IPMK: variants seen among roughly 807,000 people sequenced by gnomAD.
IPMK encodes the protein inositol 1,3,4,6-tetrakisphosphate 5-kinase.
Under a neutral mutation model 45.8 loss-of-function variants are expected in IPMK, and 17 were observed. The ratio of observed to expected loss-of-function variants is 0.37; its 90% CI spans 0.25 to 0.56. The LOEUF is 0.56. Among genes scored for constraint, IPMK ranks in the 20% least tolerant of loss-of-function variants. The probability of loss-of-function intolerance (pLI) is 0.79; values close to 1 mark genes in which losing one functional copy is unlikely to be tolerated. For missense variants in IPMK, 399 were observed against 498.0 expected (o/e 0.80, Z 1.89); for synonymous variants, 180 against 184.3 (o/e 0.98, Z 0.19).
rs967443505 is a variant in IPMK, at chr10:58,192,562, A to G, written c.*3514T>C. 2 of 151,928 alleles carry G rather than the reference A, an allele frequency of 1.3e-5. No individual in the cohort carries two copies. The highest frequency in any genetic ancestry group is 2.9e-5 in the Non-Finnish European group (2 of 67,884). 9.4% of individuals were successfully genotyped at this position (151,928 alleles called of 1,614,324 possible). On this transcript the variant is annotated 3_prime_UTR_variant, in exon 6 of 6. Transcript: ENST00000373935. ...ATCTTATTTAGATGCCTATTTTTCTATATCTCTATTTTAATTAAGTCCCCA... is the reference window on the plus strand; with the variant it reads ...ATCTTATTTAGATGCCTATTTTTCTGTATCTCTATTTTAATTAAGTCCCCA...
intron 4 of IPMK, among the ~76,000 whole-genome samples, chr10:58,213,659 C>A (rs1838200857): frequency 6.6e-6 from 1 of 150,412 alleles, no homozygotes; most frequent in African/African-American, 2.4e-5. Context: ...GCACTTCAGC[C>A]TGGGCGACAG....
intron 2 of IPMK, among the ~76,000 whole-genome samples, chr10:58,234,750 G>A (rs926096450): frequency 6.6e-6 from 1 of 152,128 alleles, no homozygotes; most frequent in Non-Finnish European, 1.5e-5. Flanking sequence ...CAGGATATAG[G>A]CATGGGCAAG....
chr10:58,225,774 C>G (rs1054605580), intron 3 of IPMK, among the ~76,000 whole-genome samples: 6 of 152,010 alleles, frequency 3.9e-5, no homozygotes, highest in Admixed American at 2.0e-4. Flanking sequence ...GATACTGTAC[C>G]TTCTCCTTTC....
At chr10:58,248,210 TATA>T (rs1053182872) in intron 1 of IPMK, among the ~76,000 whole-genome samples, 12 of 151,944 alleles carry the variant, frequency 7.9e-5, no homozygotes, top group Admixed American at 4.6e-4. Context: ...AAACTTAAAG[TATA>T]ATAATAATGA....
chr10:58,199,304 G>A lies in IPMK; in HGVS notation c.564C>T (p.Ser188=), dbSNP rs144965375. The part of the protein sequence containing the change: ...VLGMRVYHVH[S]DSYETENQHY... ...GCTGGTTTTCTGTCTCATAGCTATC[G>A]GAATGAACATGATAAACCTGTCAAA... The change falls in exon 5 of 6, where the codon TCC becomes TCT. Residue 188 remains serine, a synonymous_variant. Transcript: ENST00000373935. 60 of 1,605,826 alleles carry A rather than the reference G, an allele frequency of 3.7e-5. 1 individual carries two copies. The highest frequency in any genetic ancestry group is 4.6e-5 in the Non-Finnish European group (54 of 1,175,636).
intron 4 of IPMK, among the ~76,000 whole-genome samples, chr10:58,211,249 T>C (rs1190725247): frequency 1.3e-5 from 2 of 150,980 alleles, no homozygotes; most frequent in African/African-American, 4.9e-5. Context: ...TGGAGTGCAG[T>C]GGTACAATCT....
At chr10:58,220,073 G>A (rs114818091) in intron 3 of IPMK, among the ~76,000 whole-genome samples, 2 of 152,290 alleles carry the variant, frequency 1.3e-5, no homozygotes, top group African/African-American at 4.8e-5. Flanking sequence ...TGGGGCAGGA[G>A]CAAATATCTG....
chr10:58,232,486 G>A (rs1838539832), intron 2 of IPMK, among the ~76,000 whole-genome samples: 1 of 152,274 alleles, frequency 6.6e-6, no homozygotes, highest in South Asian at 2.1e-4. Flanking sequence ...CTGTCTCTCA[G>A]ACCACAGTGC....
intron 2 of IPMK, among the ~76,000 whole-genome samples, chr10:58,231,663 A>AGCTCC (rs1435266873): frequency 1.3e-5 from 2 of 152,210 alleles, no homozygotes; most frequent in Admixed American, 1.3e-4. Flanking sequence ...GCCTTACAAG[A>AGCTCC]GCTCCTCAAG....
intron 2 of IPMK, among the ~76,000 whole-genome samples, chr10:58,235,490 A>T (rs1477337850): frequency 6.6e-6 from 1 of 152,216 alleles, no homozygotes; most frequent in Non-Finnish European, 1.5e-5. Flanking sequence ...GCAGCCATAA[A>T]AAAGAATGAG....
intron 3 of IPMK, among the ~76,000 whole-genome samples, chr10:58,223,179 C>T (rs2132156950): frequency 6.6e-6 from 1 of 152,220 alleles, no homozygotes; most frequent in East Asian, 1.9e-4. Context: ...AAAGATTACA[C>T]AAGGTTACTA....
chr10:58,211,914 A>AT (rs1190509089), intron 4 of IPMK, among the ~76,000 whole-genome samples: 20 of 150,828 alleles, frequency 1.3e-4, no homozygotes, highest in African/African-American at 4.9e-4. Flanking sequence ...AAAAAAAAAA[A>AT]AAAAAAAAAA....
chr10:58,239,568 T>C (rs922875372), intron 1 of IPMK, among the ~76,000 whole-genome samples: 3 of 152,146 alleles, frequency 2.0e-5, no homozygotes, highest in Non-Finnish European at 4.4e-5. Flanking sequence ...CAGCATGGGA[T>C]AGCAGGATGG....
intron 2 of IPMK, 127 bp from the exon 3 acceptor site, chr10:58,227,266 G>GAA: frequency 1.6e-6 from 1 of 643,050 alleles, no homozygotes; most frequent in Non-Finnish European, 2.6e-6. Flanking sequence ...AGTAAATTTG[G>GAA]AACAAGCAAA....
intron 1 of IPMK, among the ~76,000 whole-genome samples, chr10:58,247,507 G>C (rs1199993705): frequency 1.3e-5 from 2 of 151,700 alleles, no homozygotes; most frequent in Non-Finnish European, 2.9e-5. Context: ...CCTTTGTAGG[G>C]ACATGGATGA....
intron 4 of IPMK, among the ~76,000 whole-genome samples, chr10:58,206,668 G>T (rs1452540528): frequency 2.0e-5 from 3 of 152,000 alleles, no homozygotes; most frequent in Admixed American, 6.5e-5. Context: ...GGAATAGGTG[G>T]TTTTTTTGTT....
At chr10:58,226,765 T>C (rs1208206729) in intron 3 of IPMK, among the ~76,000 whole-genome samples, 1 of 152,100 alleles carries the variant, frequency 6.6e-6, no homozygotes, top group African/African-American at 2.4e-5. Flanking sequence ...CACAATAAAT[T>C]AGGACAGAAC....
chr10:58,198,036 A>G (rs1837935239), intron 5 of IPMK, among the ~76,000 whole-genome samples: 1 of 152,214 alleles, frequency 6.6e-6, no homozygotes, highest in South Asian at 2.1e-4. Context: ...TTGAAAACAA[A>G]AAACAAAACA....
intron 2 of IPMK, among the ~76,000 whole-genome samples, chr10:58,237,498 A>T (rs1301457085): frequency 6.6e-6 from 1 of 152,258 alleles, no homozygotes; most frequent in Non-Finnish European, 1.5e-5. Context: ...CCTTAACCTG[A>T]GAAGAAGTAT....
Sources: allele counts gnomAD v4.1 joint callset (sites outside exome capture counted in the v4.1 genomes callset), GRCh38; gene constraint gnomAD v4.1.1; transcripts MANE v1.5; gene names NCBI Gene and HGNC (gene_info 2026-07-23, HGNC 2026-07-21).